The following CD163L1 variants were observed in gnomAD, a reference collection of about 807,000 sequenced individuals.
CD163L1 encodes scavenger receptor cysteine-rich type 1 protein M160.
Under a neutral mutation model 165.4 loss-of-function variants are expected in CD163L1, and 124 were observed. That is an observed-to-expected ratio of 0.75 (90% CI 0.65 to 0.87). The LOEUF (loss-of-function observed/expected upper bound fraction) is 0.87, where lower values mean the gene tolerates loss of function less well. CD163L1 is among the 40% of genes least tolerant of loss of function. The probability of loss-of-function intolerance (pLI) is 0.00; values close to 1 mark genes in which losing one functional copy is unlikely to be tolerated. For missense variants in CD163L1, 1,525 were observed against 1,799.9 expected (o/e 0.85, Z 2.76); for synonymous variants, 585 against 662.2 (o/e 0.88, Z 1.79).
chr12:7,395,457 T>C (rs768665429), intron 8 of CD163L1, among the ~76,000 whole-genome samples: 20 of 152,092 alleles, frequency 1.3e-4, no homozygotes, highest in African/African-American at 4.6e-4. Context: ...GGTGGGGGAC[T>C]GGGGGAGGGA....
chr12:7,408,176 C>T (rs905383342), intron 4 of CD163L1, among the ~76,000 whole-genome samples: 2 of 151,756 alleles, frequency 1.3e-5, no homozygotes, highest in African/African-American at 2.4e-5. Flanking sequence ...GTTTTGTCCC[C>T]GTATCTCTCA....
At chr12:7,344,377 C>T (rs1173480839), downstream of CD163L1, among the ~76,000 whole-genome samples, 1 of 152,196 alleles carries the variant, frequency 6.6e-6, no homozygotes, top group African/African-American at 2.4e-5. Flanking sequence ...CATGAGCCAC[C>T]ATACCTAGCT....
chr12:7,426,782 T>C (rs562177348), intron 4 of CD163L1, among the ~76,000 whole-genome samples: 1 of 152,118 alleles, frequency 6.6e-6, no homozygotes, highest in Non-Finnish European at 1.5e-5. Flanking sequence ...AGAAAAAACA[T>C]GGTCCAAATA....
chr12:7,406,647 T>C lies in CD163L1; in HGVS notation c.972A>G (p.Val324=), dbSNP rs752104228. The change falls in exon 5 of 20, where the codon GTA becomes GTG. Residue 324 remains valine, a synonymous_variant. Coordinates refer to ENST00000313599, the MANE Select transcript of CD163L1 (RefSeq NM_174941.6). ...LPHLQSGSDV[V]WLDGVSCSGN... ...CGGAGCAGGAGACACCATCAAGCCA[T>C]ACAACATCAGACCCTGACTGCAAAT... 3 of 1,614,024 alleles carry C rather than the reference T, an allele frequency of 1.9e-6. No individual in the cohort carries two copies. The highest frequency in any genetic ancestry group is 2.2e-5 in the East Asian group (1 of 44,868).
In CD163L1 at chr12:7,375,463, T is replaced by C. The variant is rs1336944322; in HGVS notation, c.2819A>G (p.Gln940Arg). ...DPEDARVLCR[Q>R]LSCGTALSTT... ...TGAGAGAGCAGTCCCACAGCTGAGC[T>C]GTCTGCATAGAACACGGGCATCTTC... The change falls in exon 11 of 20, where the codon CAG becomes CGG. Residue 940 changes from glutamine to arginine, a missense_variant. Physicochemically the swap from Gln to Arg is conservative, Grantham distance 43 (BLOSUM62 1). Coordinates refer to ENST00000313599, the MANE Select transcript of CD163L1 (RefSeq NM_174941.6). 22 of 1,614,220 alleles carry C rather than the reference T, an allele frequency of 1.4e-5. No homozygotes were observed. The highest frequency in any genetic ancestry group is 1.9e-5 in the Non-Finnish European group (22 of 1,180,036).
At chr12:7,442,224 T>G (rs972661196) in intron 1 of CD163L1, among the ~76,000 whole-genome samples, 1 of 152,164 alleles carries the variant, frequency 6.6e-6, no homozygotes, top group Non-Finnish European at 1.5e-5. Context: ...AGTATTTTCA[T>G]TAGTATCTTA....
At chr12:7,329,580 C>A in the CD163L1 span, among the ~76,000 whole-genome samples, 4 of 151,792 alleles carry the variant, frequency 2.6e-5, no homozygotes, top group African/African-American at 9.7e-5. Flanking sequence ...AGCAAATTTT[C>A]TAAACCACAA....
chr12:7,406,516 T>A lies in CD163L1; in HGVS notation c.1087+16A>T. The A allele has an allele frequency of 1.9e-6, 3 of 1,603,800 alleles. No individual in the cohort carries two copies. The South Asian group carries it at 3.4e-5, about 18-fold the overall frequency. The stretch of plus-strand genomic sequence containing the variant: ...AGAAATTTTATCTGATGTAATCATG[T>A]GGATGTAAGTCTTACCTGAGCAGAT... On this transcript the variant is annotated intron_variant, in intron 5 of 19. Transcript: ENST00000313599.
the CD163L1 span, among the ~76,000 whole-genome samples, chr12:7,330,221 C>A: frequency 6.6e-6 from 1 of 152,320 alleles, no homozygotes; most frequent in East Asian, 1.9e-4. Flanking sequence ...GTTTACCAAG[C>A]AAAAACACTA....
chr12:7,321,002 C>T, the CD163L1 span, among the ~76,000 whole-genome samples: 11 of 152,248 alleles, frequency 7.2e-5, no homozygotes, highest in African/African-American at 9.6e-5. Context: ...CTCTATTAGA[C>T]GCCAGTAGCA....
downstream of CD163L1, among the ~76,000 whole-genome samples, chr12:7,343,084 AG>A (rs1208444643): frequency 3.3e-5 from 5 of 152,138 alleles, no homozygotes; most frequent in Admixed American, 6.5e-5. Flanking sequence ...AGAGGATATT[AG>A]GGATGGGGAA....
At chr12:7,438,717 T>C (rs1948772637) in intron 2 of CD163L1, 1 of 906,340 alleles carries the variant, frequency 1.1e-6, no homozygotes, top group Admixed American at 3.1e-5. Context: ...TTCCCTTTCC[T>C]TGCTTGTGAA....
At chr12:7,332,786 C>A in the CD163L1 span, among the ~76,000 whole-genome samples, 1 of 152,124 alleles carries the variant, frequency 6.6e-6, no homozygotes, top group East Asian at 1.9e-4. Flanking sequence ...GAAGGAAGCA[C>A]TAAACATGGA....
In CD163L1 at chr12:7,372,653, A is replaced by G; in HGVS notation, c.3730+667T>C. Among the ~76,000 whole-genome samples, 1 of 151,890 alleles carries G rather than the reference A, an allele frequency of 6.6e-6. No homozygotes were observed. The highest frequency in any genetic ancestry group is 1.5e-5 in the Non-Finnish European group (1 of 67,864). ...TATATATCATACTATATATACATAT[A>G]CATATATAGTATCTATATTTCATAT... is the stretch of plus-strand genomic sequence containing the variant. On this transcript the variant is annotated intron_variant, in intron 14 of 19. Transcript: ENST00000313599. This position sits in a 1 kb window ranked among gnomAD's most constrained non-coding sequence, Gnocchi z 4.2.
chr12:7,438,816 C>T (rs770466315), intron 2 of CD163L1: 402 of 1,536,788 alleles, frequency 2.6e-4, no homozygotes, highest in Non-Finnish European at 3.4e-4. Flanking sequence ...CCTCTCTCTT[C>T]CCCGCTCAAC....
At chr12:7,357,210 T>G (rs7137838) in intron 19 of CD163L1, among the ~76,000 whole-genome samples, 170 bp downstream of exon 19, 3 of 152,184 alleles carry the variant, frequency 2.0e-5, no homozygotes, top group Non-Finnish European at 2.9e-5. Context: ...AACAACTTTC[T>G]CATCAACCTC....
chr12:7,367,316 C>T lies in CD163L1; in HGVS notation c.4199G>A (p.Arg1400Lys), dbSNP rs779321142. The T allele has an allele frequency of 8.7e-6, 14 of 1,612,764 alleles. No homozygotes were observed. Among genetic ancestry groups the T allele is most frequent in the Middle Eastern group, 1.7e-4 (1 of 6,060 alleles). ...HLPLRVSTRR[R>K]GSLEENLFHE... ...GAATAAATTCTCCTCGAGAGAACCC[C>T]TCCTTCTGGTTGAAACTGAGAATGG... is the stretch of plus-strand genomic sequence containing the variant. The change falls in exon 18 of 20, where the codon AGG becomes AAG. Residue 1400 changes from arginine (R) to lysine (K), a missense_variant. By Grantham distance (26) the Arg-to-Lys change is conservative. Transcript: ENST00000313599.
the CD163L1 span, among the ~76,000 whole-genome samples, chr12:7,319,852 G>A: frequency 1.3e-5 from 2 of 152,152 alleles, no homozygotes; most frequent in African/African-American, 4.8e-5. Context: ...TGTAAAATAA[G>A]AATACTTTTA....
In CD163L1 at chr12:7,432,779, T is replaced by C. The variant is rs1474306539; in HGVS notation, c.446-43A>G. 6.7e-7 allele frequency: 1 copy of C among 1,496,620 alleles called. No homozygotes were observed. The highest frequency in any genetic ancestry group is 9.0e-7 in the Non-Finnish European group (1 of 1,108,614). The allele number at this position is 1,496,620 out of a possible 1,614,324, so 92.7% of individuals were successfully genotyped here. A position where few individuals can be genotyped will look rare whatever the true frequency, so the allele number is the denominator to read the frequency against. On this transcript the variant is annotated intron_variant, in intron 3 of 19. Transcript: ENST00000313599. This position sits in a 1 kb window ranked among gnomAD's most constrained non-coding sequence, Gnocchi z 4.2. The stretch of plus-strand genomic sequence containing the variant: ...AGACATATGAAAAACTGATTCAACT[T>C]TGAGCCTGAAATAAAATCAAAAGGA...
Sources: allele counts gnomAD v4.1 joint callset (sites outside exome capture counted in the v4.1 genomes callset), GRCh38; gene constraint gnomAD v4.1.1; non-coding constraint Gnocchi (gnomAD v3.1); transcripts MANE v1.5; gene names NCBI Gene and HGNC (gene_info 2026-07-23, HGNC 2026-07-21).